CEP72: variants seen among roughly 807,000 people sequenced by gnomAD.
The protein encoded by CEP72 is centrosomal protein of 72 kDa.
A neutral mutation model predicts 65.7 loss-of-function variants in CEP72; 78 were observed. The ratio of observed to expected loss-of-function variants is 1.19; its 90% CI spans 0.99 to 1.43. CEP72 has a LOEUF of 1.43. CEP72 is among the 40% of genes most tolerant of loss of function. The pLI, the probability that CEP72 is intolerant of heterozygous loss-of-function variation, is 0.00. For synonymous variants in CEP72, 358 were observed against 351.7 expected (o/e 1.02, Z -0.20); for missense variants, 914 against 832.9 (o/e 1.10, Z -1.20).
At chr5:629,050 G>A (rs148422550) in intron 4 of CEP72, among the ~76,000 whole-genome samples, 37 of 152,272 alleles carry the variant, frequency 2.4e-4, no homozygotes, top group African/African-American at 8.2e-4. Flanking sequence ...GACTGTCCTC[G>A]GGTGGACCAG....
chr5:612,550 G>C (rs1735739090), intron 1 of CEP72, 107 bp downstream of exon 1: 3 of 1,249,744 alleles, frequency 2.4e-6, no homozygotes, highest in Non-Finnish European at 3.0e-6. Context: ...CGTCTACGCA[G>C]GCGCCGCGGG....
At chr5:636,809 CAAA>C (rs76828125) in intron 6 of CEP72, among the ~76,000 whole-genome samples, 25 of 54,464 alleles carry the variant, frequency 4.6e-4, no homozygotes, top group South Asian at 2.1e-3. Context: ...GACTCCAACT[CAAA>C]AAAAAAAAAA....
rs746583115 is a variant in CEP72 at position 644,395 on chromosome 5, A to C, written c.1636A>C (p.Thr546Pro). 1 of 1,613,948 alleles carries C rather than the reference A, an allele frequency of 6.2e-7. No homozygotes were observed. Among genetic ancestry groups the C allele is most frequent in the South Asian group, 1.1e-5 (1 of 91,070 alleles). Residue 546 changes from threonine (T) to proline (P), a missense_variant, in exon 10 of 12, where the codon ACT (threonine) becomes CCT (proline). Transcript: ENST00000264935. ...SMKKEVKSAD[T>P]AATLNLQIAG... ...GAAAAAGGAAGTGAAGAGTGCAGAC[A>C]CTGCAGCCACGTTAAATTTGCAGAT... is the stretch of plus-strand genomic sequence containing the variant.
At chr5:619,446 G>A (rs1012504843) in intron 2 of CEP72, among the ~76,000 whole-genome samples, 37 of 152,200 alleles carry the variant, frequency 2.4e-4, no homozygotes, top group African/African-American at 8.4e-4. Flanking sequence ...TGGTGGTGAG[G>A]GGAGCTGTGC....
At chr5:670,126 C>G (rs1740159946), downstream of CEP72, among the ~76,000 whole-genome samples, 1 of 152,194 alleles carries the variant, frequency 6.6e-6, no homozygotes, top group Non-Finnish European at 1.5e-5. Context: ...ACACTGGGAC[C>G]CGGCCTGGGG....
chr5:638,700 G>A (rs377706557), intron 7 of CEP72, among the ~76,000 whole-genome samples: 1 of 152,150 alleles, frequency 6.6e-6, no homozygotes, highest in African/African-American at 2.4e-5. Flanking sequence ...TGGGGACAGC[G>A]CCTGGCACCC....
chr5:652,987 G>A lies in CEP72; in HGVS notation c.1779-1G>A. 6.2e-7 allele frequency: 1 copy of A among 1,603,568 alleles called. No individual in the cohort carries two copies. Among genetic ancestry groups the A allele is most frequent in the South Asian group, 1.1e-5 (1 of 89,700 alleles). On this transcript the variant is annotated splice_acceptor_variant, in intron 11 of 11. Transcript: ENST00000264935. LOFTEE classifies it high-confidence loss of function. Reference sequence around the variant, plus strand: ...GCAGCCGCTTCCCTGTTGTTCTGCAGCTCCCTGGTCAGCACCAATGAACAC... The same window carrying A: ...GCAGCCGCTTCCCTGTTGTTCTGCAACTCCCTGGTCAGCACCAATGAACAC...
chr5:651,948 C>T (rs778574536), intron 11 of CEP72, among the ~76,000 whole-genome samples: 5 of 152,156 alleles, frequency 3.3e-5, no homozygotes, highest in African/African-American at 4.8e-5. Flanking sequence ...TAGCCAGGCT[C>T]TGCCCCTTAC....
intron 4 of CEP72, among the ~76,000 whole-genome samples, chr5:628,514 C>G (rs976471785): frequency 4.1e-4 from 60 of 148,006 alleles, no homozygotes; most frequent in African/African-American, 1.4e-3. Flanking sequence ...CAGGACCCAG[C>G]CCCCTTCTTT....
chr5:668,200 G>A (rs1386401607), downstream of CEP72, among the ~76,000 whole-genome samples: 16 of 124,532 alleles, frequency 1.3e-4, no homozygotes, highest in African/African-American at 4.5e-4. Flanking sequence ...CGCCGTCAGG[G>A]AAGTACCGAC....
intron 9 of CEP72, 100 bp from the exon 10 acceptor site, chr5:644,199 A>G (rs571562362): frequency 9.6e-6 from 13 of 1,351,642 alleles, no homozygotes; most frequent in East Asian, 2.3e-5. Context: ...CCAAGTATGC[A>G]GAAGGAACCC....
At chr5:666,154 C>T (rs757201974) in intron 4 of CEP72, 33 of 1,539,198 alleles carry the variant, frequency 2.1e-5, no homozygotes, top group Admixed American at 5.7e-5. Context: ...TAGGGCTGGG[C>T]GCGGGCCGGC....
At chr5:643,695 G>A (rs758360187) in intron 9 of CEP72, 14 of 982,710 alleles carry the variant, frequency 1.4e-5, no homozygotes, top group African/African-American at 1.7e-5. Flanking sequence ...TGGGGACCCT[G>A]GCCGCAGGTG....
chr5:620,607 C>T lies in CEP72; in HGVS notation c.403+346C>T, dbSNP rs1164180459. Among the ~76,000 whole-genome samples the T allele has an allele frequency of 5.9e-5, 9 of 152,222 alleles. No homozygotes were observed. In the South Asian group the frequency reaches 1.4e-3, roughly 25 times the overall value. ...TCTCCTGTCCTGTTTCCTCGCATAG[C>T]CCCCAGGTATCATCTCAGGTGCAGC... On this transcript the variant is annotated intron_variant, in intron 3 of 11. Transcript: ENST00000264935.
At chr5:667,070 C>G (rs1739947485) in exon 5 of CEP72, 1 of 147,276 alleles carries the variant, frequency 6.8e-6, no homozygotes, top group African/African-American at 2.7e-5. Context: ...GACAAATGAC[C>G]CATAAAACCC....
rs1049484956 is a variant in CEP72, at chr5:623,978, C to G, written c.404-493C>G. Among the ~76,000 whole-genome samples, 4 of 152,038 alleles carry G rather than the reference C, an allele frequency of 2.6e-5. No homozygotes were observed. Among genetic ancestry groups the G allele is most frequent in the Non-Finnish European group, 5.9e-5 (4 of 68,002 alleles). On this transcript the variant is annotated intron_variant, in intron 3 of 11. Transcript: ENST00000264935. This position sits in a 1 kb window ranked among gnomAD's most constrained non-coding sequence, Gnocchi z 5.3. ...CCAAGGTTGAAGGCCTGGGGACCTT[C>G]TTATCTTCAGGGATTTACATGAGGA...
chr5:649,636 T>TG (rs773745927), intron 11 of CEP72, among the ~76,000 whole-genome samples: 1 of 44,586 alleles, frequency 2.2e-5, no homozygotes, highest in Non-Finnish European at 4.3e-5. Context: ...CTGTGAGGTG[T>TG]GACTGTGAGG....
At position 640,411 on chromosome 5, in the gene CEP72, A is replaced by G. The variant is rs1265565049; in HGVS notation, c.1346A>G (p.Gln449Arg). The G allele has an allele frequency of 6.2e-7, 1 of 1,612,308 alleles. No homozygotes were observed. The highest frequency in any genetic ancestry group is 8.5e-7 in the Non-Finnish European group (1 of 1,178,860). The change falls in exon 9 of 12, where the codon CAG (glutamine) becomes CGG (arginine). Residue 449 changes from glutamine to arginine, a missense_variant. Transcript: ENST00000264935. ...SLHSNEAFLAQARHILSSVEE... is the reference protein window; with the variant it reads ...SLHSNEAFLARARHILSSVEE... ...AATATTTGGTTTTCACTCCTAGCTC[A>G]GGCAAGACACATCTTGTCATCTGTT...
chr5:674,856 C>T, the CEP72 span, among the ~76,000 whole-genome samples: 145 of 150,936 alleles, frequency 9.6e-4, 3 homozygotes, highest in Middle Eastern at 3.4e-3. Flanking sequence ...GGAGCTCCAG[C>T]GAGCCTGTGG....
Sources: gnomAD v4.1 joint callset for allele counts (sites outside exome capture counted in the v4.1 genomes callset) on GRCh38, gnomAD v4.1.1 for gene constraint, Gnocchi (gnomAD v3.1) non-coding constraint, MANE v1.5 for transcripts, NCBI Gene and HGNC (gene_info 2026-07-23, HGNC 2026-07-21) for gene names.